Variants in WWC2 observed in about 807,000 individuals in gnomAD.
WWC2 encodes the protein WW and C2 domain containing 2, also known as protein WWC2.
WWC2 carries 101 observed loss-of-function variants against 138.5 expected under a neutral mutation model. The observed-to-expected ratio is 0.73, with a 90% confidence interval of 0.62 to 0.86. The LOEUF (loss-of-function observed/expected upper bound fraction) is 0.86. WWC2 is among the 40% of genes least tolerant of loss of function. WWC2 has a pLI of 0.00. For synonymous variants in WWC2, 558 were observed against 538.4 expected (o/e 1.04, Z -0.50); for missense variants, 1,420 against 1,419.4 (o/e 1.00, Z -0.01).
At chr4:183,221,909 A>C (rs1735945686) in intron 4 of WWC2, among the ~76,000 whole-genome samples, 1 of 152,236 alleles carries the variant, frequency 6.6e-6, no homozygotes, top group Non-Finnish European at 1.5e-5. Flanking sequence ...TATTTACCCA[A>C]TATAAATGAA....
intron 11 of WWC2, among the ~76,000 whole-genome samples, chr4:183,262,996 C>T (rs146465147): frequency 1.1e-3 from 166 of 152,230 alleles, no homozygotes; most frequent in African/African-American, 3.8e-3. Flanking sequence ...AGCACTTAAC[C>T]GTGTCTGGCA....
At chr4:183,315,566 A>C (rs1579082574) in intron 22 of WWC2, 97 bp from the exon 23 acceptor site, 2 of 826,282 alleles carry the variant, frequency 2.4e-6, no homozygotes, top group Middle Eastern at 2.3e-4. Flanking sequence ...GCTTGCAGAG[A>C]CATCACTGCC....
chr4:183,223,265 T>C (rs1735980813), intron 4 of WWC2, among the ~76,000 whole-genome samples: 1 of 152,360 alleles, frequency 6.6e-6, no homozygotes, highest in South Asian at 2.1e-4. Context: ...CTCTGTGATA[T>C]TCACGTGATA....
intron 19 of WWC2, among the ~76,000 whole-genome samples, 163 bp downstream of exon 19, chr4:183,284,553 T>A (rs1180568564): frequency 1.3e-5 from 2 of 152,230 alleles, no homozygotes; most frequent in East Asian, 3.8e-4. Flanking sequence ...GTGCTTATGG[T>A]CCCTTTTAGT....
rs1734221151 is a variant in WWC2 at position 183,169,553 on chromosome 4, T to G, written c.132-24046T>G. Among the ~76,000 whole-genome samples, 2 of 152,186 alleles carry G rather than the reference T, an allele frequency of 1.3e-5. 1 individual carries two copies. The highest frequency in any genetic ancestry group is 4.1e-4 in the South Asian group (2 of 4,832). ...CCTCCTACAGTGCTGGGATTACGTG[T>G]GTGAGCCACTGCACCTGGCCATGTT... On this transcript the variant is annotated intron_variant, in intron 1 of 22. Coordinates refer to ENST00000403733, the MANE Select transcript of WWC2 (RefSeq NM_024949.6).
intron 15 of WWC2, chr4:183,269,466 A>T (rs924861883): frequency 3.7e-6 from 2 of 538,336 alleles, no homozygotes; most frequent in Non-Finnish European, 7.4e-6. Flanking sequence ...TGTGCTTACC[A>T]CTCCCAGTAC....
At chr4:183,260,417 A>G (rs1297565514) in intron 10 of WWC2, among the ~76,000 whole-genome samples, 1 of 152,242 alleles carries the variant, frequency 6.6e-6, no homozygotes, top group Non-Finnish European at 1.5e-5. Context: ...GACATGGTAT[A>G]CAGTTAGGTG....
At position 183,265,849 on chromosome 4, in the gene WWC2, G is replaced by A. The variant is rs769093166; in HGVS notation, c.2121-16G>A. 1 of 1,611,612 alleles carries A rather than the reference G, an allele frequency of 6.2e-7. No individual in the cohort carries two copies. The highest frequency in any genetic ancestry group is 8.5e-7 in the Non-Finnish European group (1 of 1,178,708). The stretch of plus-strand genomic sequence containing the variant: ...CTGTGGTGATTCCTGACTTCATTTA[G>A]CCTCTCTTTTGACAGATACAATGCA... On this transcript the variant is annotated splice_polypyrimidine_tract_variant and intron_variant, in intron 13 of 22. Coordinates refer to ENST00000403733, the MANE Select transcript of WWC2 (RefSeq NM_024949.6).
At chr4:183,315,106 C>G (rs1003381329) in intron 22 of WWC2, among the ~76,000 whole-genome samples, 2 of 152,224 alleles carry the variant, frequency 1.3e-5, no homozygotes, top group Non-Finnish European at 2.9e-5. Context: ...TAAGCACTCT[C>G]CTCACCTGAA....
In WWC2 at chr4:183,198,509, C is replaced by T. The variant is rs549501090; in HGVS notation, c.241+4801C>T. On this transcript the variant is annotated intron_variant, in intron 2 of 22. Coordinates refer to ENST00000403733, the MANE Select transcript of WWC2 (RefSeq NM_024949.6). The stretch of plus-strand genomic sequence containing the variant: ...CACACACAGCTTTAAATGTATTTTA[C>T]ATCGCAAATGGGATTATATTATATA... 7.9e-5 allele frequency among the ~76,000 whole-genome samples: 12 copies of T among 152,170 alleles called. No individual in the cohort carries two copies. In the South Asian group the frequency reaches 2.5e-3, roughly 32 times the overall value.
At chr4:183,099,702 G>C in intron 1 of WWC2, 80 bp downstream of exon 1, 2 of 1,153,242 alleles carry the variant, frequency 1.7e-6, no homozygotes, top group African/African-American at 3.3e-5. Context: ...CGGGGGGCTG[G>C]GGCGGCGCCG....
intron 9 of WWC2, among the ~76,000 whole-genome samples, chr4:183,256,889 C>A (rs1414743080): frequency 5.4e-5 from 1 of 18,450 alleles, no homozygotes; most frequent in Non-Finnish European, 1.4e-4. Context: ...CTACAGCCCC[C>A]CCCCCCCCCC....
chr4:183,161,687 A>G (rs1358505520), intron 1 of WWC2, among the ~76,000 whole-genome samples: 1 of 152,182 alleles, frequency 6.6e-6, no homozygotes, highest in Non-Finnish European at 1.5e-5. Flanking sequence ...ATTGCGTTAC[A>G]GTTGCCTACG....
chr4:183,296,490 C>T (rs1738632146), intron 21 of WWC2, among the ~76,000 whole-genome samples: 1 of 152,160 alleles, frequency 6.6e-6, no homozygotes, highest in Admixed American at 6.5e-5. Context: ...AAGAGTGACA[C>T]TTTAGAACTC....
At chr4:183,268,878 A>AT in intron 14 of WWC2, 93 bp from the exon 15 acceptor site, 1 of 1,320,184 alleles carries the variant, frequency 7.6e-7, no homozygotes, top group South Asian at 1.4e-5. Context: ...ACGATCCCTC[A>AT]TTTTCTCTCT....
At chr4:183,199,971 C>G (rs1381445540) in intron 2 of WWC2, among the ~76,000 whole-genome samples, 1 of 152,188 alleles carries the variant, frequency 6.6e-6, no homozygotes, top group Non-Finnish European at 1.5e-5. Context: ...AAATAATCTT[C>G]ACAAATCTAT....
At chr4:183,178,352 G>A (rs1051797758) in intron 1 of WWC2, among the ~76,000 whole-genome samples, 1 of 149,550 alleles carries the variant, frequency 6.7e-6, no homozygotes, top group Non-Finnish European at 1.5e-5. Context: ...ACCAGCCTGG[G>A]CTACACAGTG....
chr4:183,125,922 G>A (rs374967195), intron 1 of WWC2, among the ~76,000 whole-genome samples: 6 of 152,170 alleles, frequency 3.9e-5, no homozygotes, highest in African/African-American at 9.7e-5. Flanking sequence ...TCATGTCCAC[G>A]GCTGGACTAG....
rs752116792 is a variant in WWC2 at position 183,312,376 on chromosome 4, G to C, written c.3420G>C (p.Leu1140=). 6.2e-7 allele frequency: 1 copy of C among 1,613,768 alleles called. No homozygotes were observed. Among genetic ancestry groups the C allele is most frequent in the South Asian group, 1.1e-5 (1 of 91,054 alleles). The stretch of plus-strand genomic sequence containing the variant: ...CCAAAGAAGAGCAGAAGCAAGGTCT[G>C]AATGCAGAGAAGTTGATGAGGCAAG... ...EQSKEEQKQG[L]NAEKLMRQVS... is the part of the protein sequence containing the mutation. Residue 1140 remains leucine (L), a synonymous_variant, in exon 22 of 23, where the codon CTG becomes CTC. Coordinates refer to ENST00000403733, the MANE Select transcript of WWC2 (RefSeq NM_024949.6).
Sources: gnomAD v4.1 joint callset for allele counts (sites outside exome capture counted in the v4.1 genomes callset) on GRCh38, gnomAD v4.1.1 for gene constraint, MANE v1.5 for transcripts, NCBI Gene and HGNC (gene_info 2026-07-23, HGNC 2026-07-21) for gene names.